ALK: variants seen among roughly 807,000 people sequenced by gnomAD.
ALK encodes the protein ALK tyrosine kinase receptor.
In ALK, 74 loss-of-function variants were observed where a neutral mutation model predicts 163.1. The observed-to-expected ratio is 0.45, with a 90% CI of 0.38 to 0.55. The LOEUF (loss-of-function observed/expected upper bound fraction) is 0.55. ALK is among the 20% of genes least tolerant of loss of function. The pLI is 0.00. For missense variants in ALK, 2,063 were observed against 2,105.3 expected (o/e 0.98, Z 0.39); for synonymous variants, 960 against 843.2 (o/e 1.14, Z -2.40).
At chr2:29,259,692 C>G (rs1446651482) in intron 11 of ALK, among the ~76,000 whole-genome samples, 1 of 151,668 alleles carries the variant, frequency 6.6e-6, no homozygotes, top group Non-Finnish European at 1.5e-5. Context: ...TATTTAAAGT[C>G]CAGCAATTTT....
chr2:29,519,446 C>T (rs1290306085), intron 4 of ALK, among the ~76,000 whole-genome samples: 1 of 152,214 alleles, frequency 6.6e-6, no homozygotes, highest in Non-Finnish European at 1.5e-5. Context: ...GAGAGGCAGT[C>T]ATGGGTGAAG....
At chr2:29,420,096 GC>G (rs1669979691) in intron 4 of ALK, among the ~76,000 whole-genome samples, 1 of 148,308 alleles carries the variant, frequency 6.7e-6, no homozygotes, top group Non-Finnish European at 1.5e-5. Flanking sequence ...GGTTGAGGCT[GC>G]TGTGAGTTGG....
intron 1 of ALK, among the ~76,000 whole-genome samples, chr2:29,765,811 A>T (rs1227062341): frequency 1.3e-5 from 2 of 152,222 alleles, no homozygotes; most frequent in Non-Finnish European, 2.9e-5. Context: ...CTGTTTTTTT[A>T]AGCCCTTATT....
At chr2:29,905,023 A>T (rs1667502431) in intron 1 of ALK, among the ~76,000 whole-genome samples, 1 of 152,258 alleles carries the variant, frequency 6.6e-6, no homozygotes, top group Non-Finnish European at 1.5e-5. Flanking sequence ...ACACATGCAC[A>T]TATAAAATAC....
At chr2:29,525,059 T>G (rs1196951404) in intron 4 of ALK, among the ~76,000 whole-genome samples, 3 of 152,234 alleles carry the variant, frequency 2.0e-5, no homozygotes, top group Non-Finnish European at 4.4e-5. Flanking sequence ...ATTCTTCTCA[T>G]TCCCCTGTGG....
intron 5 of ALK, among the ~76,000 whole-genome samples, chr2:29,343,208 AATTT>A (rs1558684305): frequency 2.2e-5 from 3 of 136,324 alleles, no homozygotes; most frequent in Non-Finnish European, 1.6e-5. Flanking sequence ...AAAATTTAAA[AATTT>A]TTTTTTTTTT....
At chr2:29,284,258 T>C (rs1665790483) in intron 9 of ALK, among the ~76,000 whole-genome samples, 1 of 152,000 alleles carries the variant, frequency 6.6e-6, no homozygotes, top group African/African-American at 2.4e-5. Context: ...CATAAAGATA[T>C]TTGAGTCATC....
At chr2:29,643,590 G>C (rs1393930310) in intron 3 of ALK, among the ~76,000 whole-genome samples, 1 of 152,162 alleles carries the variant, frequency 6.6e-6, no homozygotes, top group Non-Finnish European at 1.5e-5. Flanking sequence ...AGGGCAATGA[G>C]GACCTGAGCC....
chr2:29,396,836 GT>G (rs10654058), intron 4 of ALK, among the ~76,000 whole-genome samples: 6 of 46,616 alleles, frequency 1.3e-4, no homozygotes, highest in South Asian at 1.5e-3. Flanking sequence ...TGTTACTATG[GT>G]TTTTTTTTTT....
At chr2:29,212,103 C>T (rs1669481504) in intron 24 of ALK, among the ~76,000 whole-genome samples, 1 of 152,070 alleles carries the variant, frequency 6.6e-6, no homozygotes, top group African/African-American at 2.4e-5. Flanking sequence ...CCAACGTGGG[C>T]AGAGATAAAA....
chr2:29,841,537 T>C (rs769347009), intron 1 of ALK, among the ~76,000 whole-genome samples: 10 of 152,208 alleles, frequency 6.6e-5, no homozygotes, highest in Non-Finnish European at 1.2e-4. Context: ...TTGAACATCT[T>C]GATGTCTTCC....
intron 1 of ALK, among the ~76,000 whole-genome samples, chr2:29,785,875 G>T (rs1169130985): frequency 6.6e-6 from 1 of 150,860 alleles, no homozygotes; most frequent in African/African-American, 2.4e-5. Context: ...AGATTCAGGG[G>T]GAATATCATT....
chr2:29,638,526 G>T (rs372261463), intron 3 of ALK, among the ~76,000 whole-genome samples: 3 of 151,636 alleles, frequency 2.0e-5, no homozygotes, highest in South Asian at 2.1e-4. Context: ...GGGTGGGGGT[G>T]GGGGGAGATG....
intron 5 of ALK, among the ~76,000 whole-genome samples, chr2:29,369,779 CA>C (rs1668598306): frequency 6.6e-6 from 1 of 152,172 alleles, no homozygotes; most frequent in Non-Finnish European, 1.5e-5. Context: ...CATGAGCTGC[CA>C]AACAGTTGAG....
At chr2:29,897,634 T>C (rs1667304735) in intron 1 of ALK, among the ~76,000 whole-genome samples, 1 of 152,050 alleles carries the variant, frequency 6.6e-6, no homozygotes, top group African/African-American at 2.4e-5. Context: ...CCTCAAGACC[T>C]CCTCTCTCAT....
At chr2:29,557,086 T>C (rs1236072590) in intron 3 of ALK, among the ~76,000 whole-genome samples, 2 of 152,210 alleles carry the variant, frequency 1.3e-5, no homozygotes, top group Non-Finnish European at 2.9e-5. Flanking sequence ...AAACCACATA[T>C]ATTTTGTTCT....
At chr2:29,633,632 C>CTAG (rs1370097720) in intron 3 of ALK, among the ~76,000 whole-genome samples, 5 of 151,718 alleles carry the variant, frequency 3.3e-5, no homozygotes, top group African/African-American at 4.8e-5. Flanking sequence ...AAACAAAGAG[C>CTAG]TAGCTCTTTG....
At chr2:29,530,250 C>A (rs979493815) in intron 4 of ALK, among the ~76,000 whole-genome samples, 9 of 152,104 alleles carry the variant, frequency 5.9e-5, no homozygotes, top group Non-Finnish European at 1.3e-4. Context: ...CCTATATGAG[C>A]ATAGAAAGGT....
At chr2:29,376,606 T>C (rs1668758961) in intron 5 of ALK, among the ~76,000 whole-genome samples, 1 of 152,236 alleles carries the variant, frequency 6.6e-6, no homozygotes, top group Non-Finnish European at 1.5e-5. Flanking sequence ...GCCTGCTACA[T>C]ACAGAGTTTG....
Sources: allele counts gnomAD v4.1 joint callset (sites outside exome capture counted in the v4.1 genomes callset), GRCh38; gene constraint gnomAD v4.1.1; transcripts MANE v1.5; gene names NCBI Gene and HGNC (gene_info 2026-07-23, HGNC 2026-07-21).